The following CPM variants were observed in gnomAD, a reference collection of about 807,000 sequenced individuals.
CPM encodes carboxypeptidase M.
In CPM, 35 loss-of-function variants were observed where a neutral mutation model predicts 46.4. The observed-to-expected ratio is 0.75, with a 90% confidence interval of 0.58 to 1.00. The LOEUF (loss-of-function observed/expected upper bound fraction) is 1.00. Ranked by LOEUF, CPM falls within the 50% of genes least tolerant of loss-of-function variation. The pLI, the probability that CPM is intolerant of heterozygous loss-of-function variation, is 0.00. For missense variants in CPM, 422 were observed against 530.4 expected (o/e 0.80, Z 2.01); for synonymous variants, 195 against 195.3 (o/e 1.00, Z 0.01).
chr12:68,919,111 G>A (rs1194272070), intron 2 of CPM, among the ~76,000 whole-genome samples: 1 of 152,138 alleles, frequency 6.6e-6, no homozygotes, highest in Non-Finnish European at 1.5e-5. Context: ...TTGTAATCAG[G>A]CTATAAGATC....
chr12:68,945,821 T>G (rs2136332694), intron 1 of CPM, among the ~76,000 whole-genome samples: 1 of 151,600 alleles, frequency 6.6e-6, no homozygotes, highest in East Asian at 1.9e-4. Context: ...AAGGCTAGAA[T>G]TTTTTTCTTT....
Position 68,948,421 on chromosome 12 carries a change from A to C in CPM, c.-4+14748T>G, listed in dbSNP as rs59006936. ...AAAAGTAACCCCAAAATATTCAGGT[A>C]ATAAAACCAATGCATTATTGATCAG... On this transcript the variant is annotated intron_variant, in intron 1 of 8. Transcript: ENST00000546373. Among the ~76,000 whole-genome samples the C allele has an allele frequency of 2.0e-5, 3 of 152,302 alleles. No individual in the cohort carries two copies. In the East Asian group the frequency reaches 5.8e-4, roughly 29 times the overall value.
chr12:68,950,306 G>T (rs1240201245), intron 1 of CPM, among the ~76,000 whole-genome samples: 4 of 151,986 alleles, frequency 2.6e-5, no homozygotes, highest in African/African-American at 9.7e-5. Context: ...TATTGAAAAA[G>T]GTAGGAAATA....
intron 3 of CPM, among the ~76,000 whole-genome samples, chr12:68,875,213 T>C (rs947375141): frequency 3.3e-5 from 5 of 151,946 alleles, no homozygotes; most frequent in African/African-American, 1.2e-4. Flanking sequence ...TAGCCGGGCA[T>C]GGTGGTGGGC....
chr12:68,891,028 C>T (rs565347993), intron 2 of CPM, among the ~76,000 whole-genome samples: 45 of 152,362 alleles, frequency 3.0e-4, no homozygotes, highest in African/African-American at 1.1e-3. Context: ...TCACCTCTGA[C>T]CTAAGTCCAA....
intron 2 of CPM, among the ~76,000 whole-genome samples, chr12:68,890,380 AAC>A (rs1294976488): frequency 6.6e-6 from 1 of 151,390 alleles, no homozygotes; most frequent in African/African-American, 2.5e-5. Context: ...AAAAAAAAAA[AAC>A]CAAACCCTAT....
At chr12:68,857,796 A>T (rs1254701237) in intron 8 of CPM, among the ~76,000 whole-genome samples, 7 of 152,194 alleles carry the variant, frequency 4.6e-5, no homozygotes, top group Non-Finnish European at 1.0e-4. Context: ...TCATAACTTT[A>T]TTCTAAAGGT....
At chr12:68,859,585 T>C (rs569398615) in intron 7 of CPM, among the ~76,000 whole-genome samples, 13 of 152,322 alleles carry the variant, frequency 8.5e-5, no homozygotes, top group East Asian at 3.9e-4. Flanking sequence ...GCAGCCAATA[T>C]TTATTGAGCA....
chr12:68,960,251 T>C (rs1425756487), intron 1 of CPM, among the ~76,000 whole-genome samples: 1 of 152,234 alleles, frequency 6.6e-6, no homozygotes, highest in Non-Finnish European at 1.5e-5. Flanking sequence ...TTCATTAGCT[T>C]CACAGATTTT....
intron 2 of CPM, among the ~76,000 whole-genome samples, chr12:68,898,478 C>T (rs755784990): frequency 5.9e-5 from 9 of 152,186 alleles, no homozygotes; most frequent in Non-Finnish European, 1.2e-4. Flanking sequence ...CTCCCAATAG[C>T]AGGAGAGGCC....
intron 1 of CPM, among the ~76,000 whole-genome samples, chr12:68,941,422 G>A (rs963740276): frequency 3.3e-5 from 5 of 152,082 alleles, no homozygotes; most frequent in African/African-American, 1.2e-4. Context: ...TGCCCAGGCT[G>A]GAGTGCAGTG....
intron 2 of CPM, among the ~76,000 whole-genome samples, chr12:68,890,671 C>T (rs184476050): frequency 4.6e-5 from 7 of 152,360 alleles, no homozygotes; most frequent in South Asian, 2.1e-4. Context: ...CATGCTGCTA[C>T]GGTTTGCTCC....
chr12:68,943,138 G>T (rs868687470), intron 1 of CPM, among the ~76,000 whole-genome samples: 1 of 152,158 alleles, frequency 6.6e-6, no homozygotes, highest in East Asian at 1.9e-4. Context: ...TAAAAGTAAG[G>T]TCTGTGGAAC....
intron 2 of CPM, among the ~76,000 whole-genome samples, chr12:68,924,423 T>G (rs1592700561): frequency 6.8e-6 from 1 of 147,738 alleles, no homozygotes; most frequent in African/African-American, 2.5e-5. Context: ...GGAGGCGGAG[T>G]GAGCCGACAT....
chr12:68,962,014 C>T (rs1012112999), intron 1 of CPM, among the ~76,000 whole-genome samples: 30 of 152,096 alleles, frequency 2.0e-4, no homozygotes, highest in Non-Finnish European at 3.4e-4. Flanking sequence ...TCCTGGCTAA[C>T]GCGGTGAAAC....
At chr12:68,881,841 C>T (rs1260946207) in intron 3 of CPM, among the ~76,000 whole-genome samples, 1 of 151,362 alleles carries the variant, frequency 6.6e-6, no homozygotes, top group Non-Finnish European at 1.5e-5. Context: ...CTGCCTTAGC[C>T]TACCAAGTAG....
At chr12:68,959,191 TCCCAGCAC>T (rs1033403954) in intron 1 of CPM, among the ~76,000 whole-genome samples, 1 of 152,206 alleles carries the variant, frequency 6.6e-6, no homozygotes, top group Non-Finnish European at 1.5e-5. Context: ...CAGTGTTGCA[TCCCAGCAC>T]CCACAGCAGT....
At position 68,851,917 on chromosome 12, in the gene CPM, C is replaced by T. The variant is rs1298048328; in HGVS notation, c.*4520G>A. On this transcript the variant is annotated 3_prime_UTR_variant, in exon 9 of 9. Transcript: ENST00000551568. ...GGATCTATCATAAAATATACATCAA[C>T]TGTATTGTTACCATATAGAATAACA... 3.3e-5 allele frequency: 5 copies of T among 152,188 alleles called. No individual in the cohort carries two copies. Among genetic ancestry groups the T allele is most frequent in the Non-Finnish European group, 7.3e-5 (5 of 68,028 alleles). 9.4% of individuals were successfully genotyped at this position (152,188 alleles called of 1,614,324 possible).
chr12:68,861,125 A>G (rs1474744832), intron 7 of CPM, among the ~76,000 whole-genome samples: 3 of 151,966 alleles, frequency 2.0e-5, no homozygotes, highest in Admixed American at 6.6e-5. Flanking sequence ...CACATGATCT[A>G]CCTTGGCCTC....
Sources: allele counts gnomAD v4.1 joint callset (sites outside exome capture counted in the v4.1 genomes callset), GRCh38; gene constraint gnomAD v4.1.1; transcripts MANE v1.5; gene names NCBI Gene and HGNC (gene_info 2026-07-23, HGNC 2026-07-21).